The following PAX5 variants were observed in gnomAD, a reference collection of about 807,000 sequenced individuals.
PAX5 encodes the protein paired box 5.
A neutral mutation model predicts 43.7 loss-of-function variants in PAX5; 9 were observed. That is an observed-to-expected ratio of 0.21 (90% CI 0.12 to 0.36). PAX5 has a LOEUF of 0.36. PAX5 is among the 10% of genes least tolerant of loss of function. The probability of loss-of-function intolerance (pLI) is 1.00; values close to 1 mark genes in which losing one functional copy is unlikely to be tolerated. For missense variants in PAX5, 383 were observed against 532.7 expected (o/e 0.72, Z 2.77); for synonymous variants, 228 against 214.3 (o/e 1.06, Z -0.56).
At chr9:36,865,703 G>C (rs995407431) in intron 8 of PAX5, among the ~76,000 whole-genome samples, 1 of 152,204 alleles carries the variant, frequency 6.6e-6, no homozygotes, top group Non-Finnish European at 1.5e-5. Flanking sequence ...TTGCCAACTA[G>C]TAACCCCTCC....
chr9:36,893,757 G>C (rs193175775), intron 7 of PAX5, among the ~76,000 whole-genome samples: 1 of 152,336 alleles, frequency 6.6e-6, no homozygotes, highest in African/African-American at 2.4e-5. Flanking sequence ...CTTGGTGGAA[G>C]GATGAGCCGC....
intron 8 of PAX5, among the ~76,000 whole-genome samples, chr9:36,878,358 C>T (rs1452185285): frequency 1.3e-5 from 2 of 152,166 alleles, no homozygotes; most frequent in Admixed American, 6.5e-5. Flanking sequence ...GAGTGATGGA[C>T]GTGGCGTAGG....
intron 7 of PAX5, among the ~76,000 whole-genome samples, chr9:36,889,024 T>C (rs762792324): frequency 4.6e-5 from 7 of 152,176 alleles, no homozygotes; most frequent in Non-Finnish European, 8.8e-5. Flanking sequence ...AAGAGGGTAT[T>C]TATTGGGAGT....
intron 6 of PAX5, among the ~76,000 whole-genome samples, chr9:36,950,189 T>C (rs1272439293): frequency 6.6e-6 from 1 of 152,230 alleles, no homozygotes; most frequent in Non-Finnish European, 1.5e-5. Flanking sequence ...TTATCTGTCC[T>C]CTTGGTGAGC....
chr9:36,860,293 C>T (rs1012310496), intron 8 of PAX5, among the ~76,000 whole-genome samples: 1 of 151,986 alleles, frequency 6.6e-6, no homozygotes, highest in African/African-American at 2.4e-5. Flanking sequence ...GCCAAGATTG[C>T]ACCACTGCAC....
chr9:36,949,927 C>T (rs1288606277), intron 6 of PAX5, among the ~76,000 whole-genome samples: 3 of 147,192 alleles, frequency 2.0e-5, no homozygotes, highest in Non-Finnish European at 4.5e-5. Context: ...CCTCCCACCA[C>T]GATCTTCACC....
intron 6 of PAX5, among the ~76,000 whole-genome samples, chr9:36,941,679 A>G (rs1453828306): frequency 6.6e-6 from 1 of 151,732 alleles, no homozygotes; most frequent in African/African-American, 2.4e-5. Flanking sequence ...GCCTGTACCC[A>G]CCTCAAGGCA....
Position 36,840,134 on chromosome 9 carries a change from G to A in PAX5, c.*426C>T. ...CATCATGGGTGGAGCAGTCTTCTCA[G>A]TCGGACCTTCAGGCCCACAGAAAAG... On this transcript the variant is annotated 3_prime_UTR_variant, in exon 10 of 10. Coordinates refer to ENST00000358127, the MANE Select transcript of PAX5 (RefSeq NM_016734.3). The A allele has an allele frequency of 1.3e-5, 5 of 380,342 alleles. No homozygotes were observed. The highest frequency in any genetic ancestry group is 2.4e-5 in the Non-Finnish European group (5 of 205,834). The allele number at this position is 380,342 out of a possible 1,614,324, so 23.6% of individuals were successfully genotyped here. A position where few individuals can be genotyped will look rare whatever the true frequency, so the allele number is the denominator to read the frequency against.
At chr9:36,923,595 C>CACAGG in intron 6 of PAX5, 111 bp from the exon 7 acceptor site, 3 of 1,286,600 alleles carry the variant, frequency 2.3e-6, no homozygotes, top group Non-Finnish European at 3.2e-6. Context: ...CATGCCTGTG[C>CACAGG]CAAGGCCCAC....
intron 6 of PAX5, among the ~76,000 whole-genome samples, chr9:36,956,650 A>G (rs1833508452): frequency 6.6e-6 from 1 of 152,198 alleles, no homozygotes; most frequent in Admixed American, 6.5e-5. Flanking sequence ...TGCTTGGTTC[A>G]CAGGAAGACA....
chr9:36,950,735 C>CT lies in PAX5; in HGVS notation c.780+15813dup, dbSNP rs55801947. ...CATTCTTGCATATCCACTGAGTTTT[C>CT]TTTTTTTTTTTTTTTTTTTTTTTGA... On this transcript the variant is annotated intron_variant, in intron 6 of 9. Coordinates refer to ENST00000358127, the MANE Select transcript of PAX5 (RefSeq NM_016734.3). 4.6e-3 allele frequency among the ~76,000 whole-genome samples: 532 copies of CT among 116,564 alleles called. 9 individuals are homozygous for CT. Among genetic ancestry groups the CT allele is most frequent in the South Asian group, 0.022 (77 of 3,466 alleles). 76.5% of individuals were successfully genotyped at this position (116,564 alleles called of 152,430 possible). A position where few individuals can be genotyped will look rare whatever the true frequency, so the allele number is the denominator to read the frequency against.
intron 6 of PAX5, among the ~76,000 whole-genome samples, chr9:36,959,286 A>T (rs868463233): frequency 6.6e-6 from 1 of 152,254 alleles, no homozygotes; most frequent in Non-Finnish European, 1.5e-5. Flanking sequence ...CTAAAACCAC[A>T]TGTATGAAAA....
Position 36,839,242 on chromosome 9 carries a change from T to A in PAX5, c.*1318A>T, listed in dbSNP as rs1821856630. 1 of 233,688 alleles carries A rather than the reference T, an allele frequency of 4.3e-6. No individual in the cohort carries two copies. The highest frequency in any genetic ancestry group is 1.8e-4 in the South Asian group (1 of 5,542). The allele number at this position is 233,688 out of a possible 1,614,324, so 14.5% of individuals were successfully genotyped here. On this transcript the variant is annotated 3_prime_UTR_variant, in exon 10 of 10. Transcript: ENST00000358127. ...CCCTGCTGGCTTCCTCTGACCACCCTAGCCCACAGTGAGTTCTCCAAGCTC... is the reference window on the plus strand; with the variant it reads ...CCCTGCTGGCTTCCTCTGACCACCCAAGCCCACAGTGAGTTCTCCAAGCTC...
chr9:36,987,160 G>C lies in PAX5; in HGVS notation c.604+15488C>G, dbSNP rs79414586. Among the ~76,000 whole-genome samples the C allele has an allele frequency of 1.3e-3, 198 of 152,310 alleles. 1 individual carries two copies. Among genetic ancestry groups the C allele is most frequent in the African/African-American group, 4.6e-3 (190 of 41,572 alleles). ...AACGCCTGCGGCTGCGTGCCTATACGCTGCATTCAGGGAAAGGCGCTGTGG... is the reference window on the plus strand; with the variant it reads ...AACGCCTGCGGCTGCGTGCCTATACCCTGCATTCAGGGAAAGGCGCTGTGG... On this transcript the variant is annotated intron_variant, in intron 5 of 9. Coordinates refer to ENST00000358127, the MANE Select transcript of PAX5 (RefSeq NM_016734.3).
At chr9:36,983,637 C>A (rs963446622) in intron 5 of PAX5, among the ~76,000 whole-genome samples, 5 of 152,050 alleles carry the variant, frequency 3.3e-5, no homozygotes, top group African/African-American at 1.2e-4. Context: ...CCACATTCAG[C>A]TAATTTTTGT....
At chr9:36,897,776 G>GT (rs1316026466) in intron 7 of PAX5, among the ~76,000 whole-genome samples, 1 of 152,212 alleles carries the variant, frequency 6.6e-6, no homozygotes, top group African/African-American at 2.4e-5. Flanking sequence ...TCTTCCAGTA[G>GT]TCCAGGGCGC....
intron 7 of PAX5, among the ~76,000 whole-genome samples, chr9:36,898,709 G>A (rs1587909877): frequency 6.6e-6 from 1 of 152,202 alleles, no homozygotes; most frequent in Non-Finnish European, 1.5e-5. Context: ...CCAGCAGGAG[G>A]CACCCGGCGT....
intron 6 of PAX5, among the ~76,000 whole-genome samples, chr9:36,964,448 C>T (rs924342828): frequency 4.8e-4 from 73 of 151,724 alleles, no homozygotes; most frequent in African/African-American, 1.7e-3. Flanking sequence ...AAAAATTAGC[C>T]GGGCGTGGTG....
At chr9:36,989,582 A>G (rs1836754812) in intron 5 of PAX5, among the ~76,000 whole-genome samples, 1 of 152,244 alleles carries the variant, frequency 6.6e-6, no homozygotes, top group Non-Finnish European at 1.5e-5. Flanking sequence ...CATCTGGAGC[A>G]CATGCTTAGG....
Sources: allele counts gnomAD v4.1 joint callset (sites outside exome capture counted in the v4.1 genomes callset), GRCh38; gene constraint gnomAD v4.1.1; transcripts MANE v1.5; gene names NCBI Gene and HGNC (gene_info 2026-07-23, HGNC 2026-07-21).